Variants in CYP51A1 observed in about 807,000 individuals in gnomAD.
CYP51A1 encodes cytochrome P450 family 51 subfamily A member 1, also known as lanosterol 14-alpha demethylase.
A neutral mutation model predicts 53.5 loss-of-function variants in CYP51A1; 45 were observed. That is an observed-to-expected ratio of 0.84 (90% CI 0.66 to 1.08). The LOEUF (loss-of-function observed/expected upper bound fraction) is 1.08. Ranked by LOEUF, CYP51A1 falls within the 50% of genes least tolerant of loss-of-function variation. The pLI is 0.00. For missense variants in CYP51A1, 462 were observed against 621.7 expected (o/e 0.74, Z 2.73); for synonymous variants, 181 against 217.7 (o/e 0.83, Z 1.48).
In CYP51A1 at chr7:92,113,645, T is replaced by G. The variant is rs1563175611; in HGVS notation, c.*20A>C. On this transcript the variant is annotated 3_prime_UTR_variant, in exon 10 of 10. Transcript: ENST00000003100. ...TGGCTTACAGTGATAATCACATATA[T>G]TCGTTCCTTGCAACCTTTTTCATTT... The G allele has an allele frequency of 6.2e-7, 1 of 1,609,224 alleles. No individual in the cohort carries two copies. The highest frequency in any genetic ancestry group is 8.5e-7 in the Non-Finnish European group (1 of 1,177,818).
At chr7:92,129,518 G>A (rs771435322) in intron 2 of CYP51A1, among the ~76,000 whole-genome samples, 1 of 152,170 alleles carries the variant, frequency 6.6e-6, no homozygotes, top group Non-Finnish European at 1.5e-5. Flanking sequence ...GCTATGTGAA[G>A]ACACTACAAG....
rs754278438 is a variant in CYP51A1 at position 92,123,726 on chromosome 7, G to C, written c.890+8C>G. On this transcript the variant is annotated splice_region_variant and intron_variant, in intron 6 of 9. Coordinates refer to ENST00000003100, the MANE Select transcript of CYP51A1 (RefSeq NM_000786.4). The stretch of plus-strand genomic sequence containing the variant: ...TTCAGCTTAATATGTTATCTGAATA[G>C]CTCTTACTTGTATGTAGCATCTAGT... 6.3e-7 allele frequency: 1 copy of C among 1,599,194 alleles called. No individual in the cohort carries two copies. The highest frequency in any genetic ancestry group is 1.1e-5 in the South Asian group (1 of 88,448).
At chr7:92,128,111 A>G (rs572324422) in intron 3 of CYP51A1, among the ~76,000 whole-genome samples, 2 of 152,330 alleles carry the variant, frequency 1.3e-5, no homozygotes, top group African/African-American at 4.8e-5. Context: ...TTAAAAGAGG[A>G]CTTCTGAAGT....
intron 5 of CYP51A1, among the ~76,000 whole-genome samples, chr7:92,125,558 AG>A (rs1272567411): frequency 6.6e-5 from 10 of 152,378 alleles, no homozygotes; most frequent in Non-Finnish European, 1.3e-4. Context: ...AATTAAATAA[AG>A]GCACAAATAT....
chr7:92,119,790 G>A (rs1361120914), intron 7 of CYP51A1, among the ~76,000 whole-genome samples: 1 of 152,080 alleles, frequency 6.6e-6, no homozygotes, highest in African/African-American at 2.4e-5. Flanking sequence ...TATCCATGAA[G>A]AAGCCCAGAC....
intron 1 of CYP51A1, 101 bp downstream of exon 1, chr7:92,134,072 C>A: frequency 4.4e-6 from 5 of 1,147,214 alleles, no homozygotes; most frequent in Non-Finnish European, 4.9e-6. Flanking sequence ...CCGCCCTTGC[C>A]ATCCACTGAG....
intron 7 of CYP51A1, among the ~76,000 whole-genome samples, chr7:92,122,280 G>A (rs1819708569): frequency 6.6e-6 from 1 of 151,286 alleles, no homozygotes. Flanking sequence ...TGTAAAAAAG[G>A]ATTAACACCA....
intron 7 of CYP51A1, among the ~76,000 whole-genome samples, chr7:92,119,604 G>GCAA (rs980029901): frequency 4.6e-5 from 7 of 152,052 alleles, no homozygotes; most frequent in Admixed American, 6.6e-5. Flanking sequence ...AACAGCAGCA[G>GCAA]CAACAACAAC....
intron 7 of CYP51A1, among the ~76,000 whole-genome samples, chr7:92,119,025 C>T (rs970326725): frequency 2.6e-5 from 4 of 152,308 alleles, no homozygotes; most frequent in African/African-American, 9.6e-5. Context: ...CTTTCATCCT[C>T]CTCTCCCCAA....
chr7:92,117,237 A>C, intron 8 of CYP51A1, 25 bp from the exon 9 acceptor site: 3 of 1,593,500 alleles, frequency 1.9e-6, no homozygotes, highest in Non-Finnish European at 2.6e-6. Context: ...CACACATTTC[A>C]TTAGAGAATT....
chr7:92,121,296 A>G (rs1819688055), intron 7 of CYP51A1, among the ~76,000 whole-genome samples: 1 of 152,042 alleles, frequency 6.6e-6, no homozygotes, highest in African/African-American at 2.4e-5. Flanking sequence ...AAAAAAAAAA[A>G]AGTATCACTT....
intron 1 of CYP51A1, 21 bp downstream of exon 1, chr7:92,134,152 G>T: frequency 6.2e-7 from 1 of 1,609,588 alleles, no homozygotes; most frequent in South Asian, 1.1e-5. Context: ...GCCCCACTCA[G>T]ACCCTAAAGA....
rs66941970 is a variant in CYP51A1, at chr7:92,128,455, TGCGC to T, written c.468+421_468+424del. ...GTGTGTGTGTGTGTGTGTGTGTGTGTGCGCGTGCGTGTGTGTGTGTGTGTTTGGT... is the reference window on the plus strand; with the variant it reads ...GTGTGTGTGTGTGTGTGTGTGTGTGTGTGCGTGTGTGTGTGTGTGTTTGGT... On this transcript the variant is annotated intron_variant, in intron 3 of 9. Coordinates refer to ENST00000003100, the MANE Select transcript of CYP51A1 (RefSeq NM_000786.4). Among the ~76,000 whole-genome samples, 955 of 102,002 alleles carry T rather than the reference TGCGC, an allele frequency of 9.4e-3. 8 individuals carry two copies. The highest frequency in any genetic ancestry group is 0.012 in the Non-Finnish European group (645 of 51,910). 66.9% of individuals were successfully genotyped at this position (102,002 alleles called of 152,430 possible).
chr7:92,117,005 C>A, intron 9 of CYP51A1, 39 bp downstream of exon 9: 1 of 1,537,794 alleles, frequency 6.5e-7, no homozygotes, highest in Non-Finnish European at 8.8e-7. Context: ...AATATGTTAT[C>A]AGAACAAACA....
intron 6 of CYP51A1, 89 bp from the exon 7 acceptor site, chr7:92,123,404 T>C: frequency 8.8e-7 from 1 of 1,133,612 alleles, no homozygotes; most frequent in Non-Finnish European, 1.3e-6. Context: ...AATGAATACA[T>C]TTTTCAGGTA....
rs1194345735 is a variant in CYP51A1 at position 92,134,332 on chromosome 7, G to GCCCAGCAGCAGCAT, written c.19_32dup (p.Leu12CysfsTer21). The GCCCAGCAGCAGCAT allele has an allele frequency of 7.5e-6, 12 of 1,594,510 alleles. No homozygotes were observed. Among genetic ancestry groups the GCCCAGCAGCAGCAT allele is most frequent in the Non-Finnish European group, 1.0e-5 (12 of 1,167,708 alleles). On this transcript the variant is annotated frameshift_variant, in exon 1 of 10. Coordinates refer to ENST00000003100, the MANE Select transcript of CYP51A1 (RefSeq NM_000786.4). LOFTEE classifies it high-confidence loss of function. ...GCACCGACCCACCCGCCTGCAGCAA[G>GCCCAGCAGCAGCAT]CCCAGCAGCAGCATCCCAGCCGCCG...
Position 92,128,955 on chromosome 7 carries a change from C to A in CYP51A1, c.393G>T (p.Leu131=), listed in dbSNP as rs1819864732. 1 of 1,613,154 alleles carries A rather than the reference C, an allele frequency of 6.2e-7. No individual in the cohort carries two copies. The highest frequency in any genetic ancestry group is 8.5e-7 in the Non-Finnish European group (1 of 1,179,856). Reference sequence around the variant, plus strand: ...GGCGACTGTAGACATCTTCTGCATTCAGGTCTTCATTTTTACTATTAAAAA... The same window carrying A: ...GGCGACTGTAGACATCTTCTGCATTAAGGTCTTCATTTTTACTATTAAAAA... ...ALLFNSKNED[L]NAEDVYSRLT... Residue 131 remains leucine (L), a synonymous_variant, in exon 3 of 10, where the codon CTG becomes CTT. Transcript: ENST00000003100.
intron 9 of CYP51A1, among the ~76,000 whole-genome samples, chr7:92,115,932 G>C (rs1440189582): frequency 6.6e-6 from 1 of 152,272 alleles, no homozygotes; most frequent in South Asian, 2.1e-4. Flanking sequence ...TCCTCTTTGG[G>C]GCAGAATTTG....
chr7:92,116,441 C>T (rs1819580694), intron 9 of CYP51A1, among the ~76,000 whole-genome samples: 1 of 152,110 alleles, frequency 6.6e-6, no homozygotes, highest in Admixed American at 6.6e-5. Flanking sequence ...TTTGGAAAGA[C>T]TAAAGCATAG....
Sources: gnomAD v4.1 joint callset for allele counts (sites outside exome capture counted in the v4.1 genomes callset) on GRCh38, gnomAD v4.1.1 for gene constraint, MANE v1.5 for transcripts, NCBI Gene and HGNC (gene_info 2026-07-23, HGNC 2026-07-21) for gene names.